Variants in CA10 observed in about 807,000 individuals in gnomAD.
The protein encoded by CA10 is carbonic anhydrase 10 (inactive), also known as carbonic anhydrase-related protein 10.
A neutral mutation model predicts 44.2 loss-of-function variants in CA10; 14 were observed. The observed-to-expected ratio is 0.32, with a 90% confidence interval of 0.21 to 0.50. The LOEUF (loss-of-function observed/expected upper bound fraction) is 0.50. Among genes scored for constraint, CA10 ranks in the 20% least tolerant of loss-of-function variants. CA10 has a pLI of 0.99. For missense variants in CA10, 350 were observed against 409.7 expected, an observed-to-expected ratio of 0.85 and a Z score of 1.26; for synonymous variants, 159 against 141.6, an observed-to-expected ratio of 1.12 and a Z score of -0.87.
At position 51,895,743 on chromosome 17, in the gene CA10, T is replaced by C. The variant is rs78907035; in HGVS notation, c.279+35247A>G. Among the ~76,000 whole-genome samples, 712 of 152,190 alleles carry C rather than the reference T, an allele frequency of 4.7e-3. 5 individuals carry two copies. Among genetic ancestry groups the C allele is most frequent in the African/African-American group, 0.017 (688 of 41,546 alleles). On this transcript the variant is annotated intron_variant, in intron 3 of 8. Coordinates refer to ENST00000451037, the MANE Select transcript of CA10 (RefSeq NM_020178.5). ...ACAAAGGGAAGTTATAAAATACCAA[T>C]GATACAACCTGTATTTTGTTTAAGC... is the stretch of plus-strand genomic sequence containing the variant.
At chr17:52,035,361 C>T (rs78489039) in intron 2 of CA10, among the ~76,000 whole-genome samples, 2 of 147,944 alleles carry the variant, frequency 1.4e-5, no homozygotes, top group African/African-American at 2.4e-5. Context: ...CTCATCCGTC[C>T]CCTTTTCAGC....
chr17:51,717,014 C>A (rs932018240), intron 4 of CA10, among the ~76,000 whole-genome samples: 6 of 152,194 alleles, frequency 3.9e-5, no homozygotes, highest in Admixed American at 6.5e-5. Flanking sequence ...TCTTTGGAAC[C>A]CTCACTTGTG....
rs56394299 is a variant in CA10, at chr17:51,840,811, G to A, written c.279+90179C>T. Among the ~76,000 whole-genome samples, 434 of 152,264 alleles carry A rather than the reference G, an allele frequency of 2.9e-3. 3 individuals carry two copies. The highest frequency in any genetic ancestry group is 9.9e-3 in the African/African-American group (412 of 41,536). ...GATATCAAAACCACAGTGAAAAAAA[G>A]TGTGGCTGTGGCTACAGATATCTTA... On this transcript the variant is annotated intron_variant, in intron 3 of 8. Coordinates refer to ENST00000451037, the MANE Select transcript of CA10 (RefSeq NM_020178.5).
intron 6 of CA10, among the ~76,000 whole-genome samples, chr17:51,645,316 T>G (rs563074645): frequency 1.3e-5 from 2 of 152,192 alleles, no homozygotes; most frequent in Non-Finnish European, 2.9e-5. Flanking sequence ...GATTGACTTT[T>G]TGTTACAATG....
At chr17:52,086,540 A>G (rs897521053) in intron 1 of CA10, among the ~76,000 whole-genome samples, 8 of 152,158 alleles carry the variant, frequency 5.3e-5, no homozygotes, top group South Asian at 4.1e-4. Context: ...TAATACAACT[A>G]AATGTAAAAG....
intron 3 of CA10, among the ~76,000 whole-genome samples, chr17:51,811,016 C>T (rs941967579): frequency 1.6e-4 from 24 of 152,112 alleles, no homozygotes; most frequent in African/African-American, 5.3e-4. Context: ...GCCAACATGG[C>T]GAAACCACGT....
chr17:51,710,244 A>G (rs1479355670), intron 4 of CA10, among the ~76,000 whole-genome samples: 1 of 152,186 alleles, frequency 6.6e-6, no homozygotes, highest in Non-Finnish European at 1.5e-5. Context: ...CTAGAACAGA[A>G]TTGTCTCAGG....
intron 3 of CA10, among the ~76,000 whole-genome samples, chr17:51,792,586 T>G (rs1034608750): frequency 6.6e-6 from 1 of 152,192 alleles, no homozygotes; most frequent in Non-Finnish European, 1.5e-5. Flanking sequence ...CATCCTAGCA[T>G]GCTGTTAATT....
intron 4 of CA10, among the ~76,000 whole-genome samples, chr17:51,717,827 G>GTATATATGTATACA (rs1268095043): frequency 1.9e-4 from 2 of 10,350 alleles, no homozygotes; most frequent in African/African-American, 6.9e-4. Flanking sequence ...ATATATGTGT[G>GTATATATGTATACA]TGTATATATA....
At chr17:52,032,828 G>T (rs1453056089) in intron 2 of CA10, among the ~76,000 whole-genome samples, 1 of 152,134 alleles carries the variant, frequency 6.6e-6, no homozygotes, top group Non-Finnish European at 1.5e-5. Flanking sequence ...CTCCAATAAA[G>T]CCTATAAGGG....
chr17:51,691,038 T>C, intron 4 of CA10, among the ~76,000 whole-genome samples: 2 of 152,344 alleles, frequency 1.3e-5, no homozygotes, highest in Middle Eastern at 3.4e-3. Context: ...GCAACAAATA[T>C]GGGATGCAGA....
chr17:52,072,308 T>G lies in CA10; in HGVS notation c.136+11A>C, dbSNP rs752185212. ...TTTAATAAATAAATTAAAGAATTAA[T>G]GTGTACTTACCTGGAACAAAGCTTC... On this transcript the variant is annotated intron_variant, in intron 2 of 8. Coordinates refer to ENST00000451037, the MANE Select transcript of CA10 (RefSeq NM_020178.5). The G allele has an allele frequency of 2.6e-6, 4 of 1,555,690 alleles. No individual in the cohort carries two copies. In the East Asian group the frequency reaches 9.0e-5, roughly 35 times the overall value.
At chr17:51,835,138 G>C (rs535488064) in intron 3 of CA10, among the ~76,000 whole-genome samples, 1 of 152,302 alleles carries the variant, frequency 6.6e-6, no homozygotes, top group East Asian at 1.9e-4. Context: ...CTGGACATCA[G>C]CTTCTCAGGG....
intron 4 of CA10, among the ~76,000 whole-genome samples, chr17:51,680,380 G>A (rs1914804005): frequency 6.6e-6 from 1 of 152,222 alleles, no homozygotes; most frequent in African/African-American, 2.4e-5. Flanking sequence ...TTCTGAATGG[G>A]AAAGAGAAAT....
intron 3 of CA10, among the ~76,000 whole-genome samples, chr17:51,861,461 G>T (rs1056837173): frequency 6.6e-6 from 1 of 151,664 alleles, no homozygotes; most frequent in Non-Finnish European, 1.5e-5. Context: ...AGCTTTACCT[G>T]TGAAAAACCC....
At chr17:52,147,648 T>C (rs948051274) in intron 1 of CA10, among the ~76,000 whole-genome samples, 5 of 152,108 alleles carry the variant, frequency 3.3e-5, no homozygotes, top group Non-Finnish European at 5.9e-5. Context: ...AAATAAAACA[T>C]AATGACTTCA....
At chr17:52,146,202 T>C (rs1989578931) in intron 1 of CA10, among the ~76,000 whole-genome samples, 1 of 152,142 alleles carries the variant, frequency 6.6e-6, no homozygotes. Context: ...TGTATACATA[T>C]GTAACAAACC....
intron 1 of CA10, among the ~76,000 whole-genome samples, chr17:52,094,685 A>T (rs1988359648): frequency 6.6e-6 from 1 of 152,202 alleles, no homozygotes; most frequent in Non-Finnish European, 1.5e-5. Flanking sequence ...TAGATCCTTG[A>T]TAAAGGAGAA....
intron 3 of CA10, among the ~76,000 whole-genome samples, chr17:51,874,954 TTTTTTCTTTTTTTTCTTTTC>T (rs992783090): frequency 1.2e-4 from 8 of 66,528 alleles, no homozygotes; most frequent in African/African-American, 2.9e-4. Flanking sequence ...TCTTCTGTTT[TTTTTTCTTTTTTTTCTTTTC>T]TTTTCTTTTC....
Sources: allele counts gnomAD v4.1 joint callset (sites outside exome capture counted in the v4.1 genomes callset), GRCh38; gene constraint gnomAD v4.1.1; transcripts MANE v1.5; gene names NCBI Gene and HGNC (gene_info 2026-07-23, HGNC 2026-07-21).